MAGED1: variants seen among roughly 807,000 people sequenced by gnomAD.
The protein encoded by MAGED1 is MAGE family member D1, also known as melanoma-associated antigen D1.
MAGED1 carries 3 observed loss-of-function variants against 54.1 expected under a neutral mutation model. That is an observed-to-expected ratio of 0.06 (90% confidence interval 0.03 to 0.14). The LOEUF (loss-of-function observed/expected upper bound fraction) is 0.14. MAGED1 is among the 10% of genes least tolerant of loss of function. The probability of loss-of-function intolerance (pLI) is 1.00; values close to 1 mark genes in which losing one functional copy is unlikely to be tolerated. For missense variants in MAGED1, 485 were observed against 623.4 expected (o/e 0.78, Z 2.36); for synonymous variants, 217 against 227.3 (o/e 0.95, Z 0.41).
Position 51,901,520 on chromosome X carries a change from G to A in MAGED1, c.1960-33G>A, listed in dbSNP as rs373654749. ...ATTCCATATCTTGGCTATTGTAAAT[G>A]GATTTTGTTTTGTTTTCTATTCCTC... On this transcript the variant is annotated intron_variant, in intron 11 of 12. Coordinates refer to ENST00000326587, the MANE Select transcript of MAGED1 (RefSeq NM_006986.4). 3.6e-5 allele frequency: 41 copies of A among 1,124,947 alleles called. No homozygotes were observed. In the African/African-American group the frequency reaches 6.3e-4, roughly 17 times the overall value. The allele number at this position is 1,124,947 out of a possible 1,213,427, so 92.7% of individuals were successfully genotyped here. A position where few individuals can be genotyped will look rare whatever the true frequency, so the allele number is the denominator to read the frequency against.
At chrX:51,813,215 G>A (rs913197270) in intron 1 of MAGED1, among the ~76,000 whole-genome samples, 4 of 108,702 alleles carry the variant, frequency 3.7e-5, no homozygotes, top group Non-Finnish European at 5.7e-5. Context: ...TAGAGACGGG[G>A]TTTCTCCATG....
At chrX:51,847,344 G>A (rs903292994) in intron 1 of MAGED1, among the ~76,000 whole-genome samples, 3 of 111,117 alleles carry the variant, frequency 2.7e-5, no homozygotes, top group African/African-American at 9.8e-5. Flanking sequence ...CTAAAATATT[G>A]TATAAATGCT....
intron 1 of MAGED1, among the ~76,000 whole-genome samples, chrX:51,873,534 T>A (rs200538628): frequency 0.04 from 3,583 of 90,397 alleles, 73 homozygotes; most frequent in Non-Finnish European, 0.048. Flanking sequence ...TGTGTGTGTG[T>A]GAGAGAGAGA....
At chrX:51,864,771 A>G (rs1927405434) in intron 1 of MAGED1, among the ~76,000 whole-genome samples, 1 of 111,836 alleles carries the variant, frequency 8.9e-6, no homozygotes, top group South Asian at 3.7e-4. Context: ...TTGTTAGTAC[A>G]TAGAAATATT....
Position 51,896,780 on chromosome X carries a change from G to T in MAGED1, c.1125G>T (p.Gln375His), listed in dbSNP as rs949089253. 7.4e-6 allele frequency: 9 copies of T among 1,209,065 alleles called. No individual in the cohort carries two copies. The highest frequency in any genetic ancestry group is 1.0e-5 in the Non-Finnish European group (9 of 894,499). The change falls in exon 4 of 13, where the codon CAG (glutamine) becomes CAT (histidine). Residue 375 changes from glutamine (Q) to histidine (H), a missense_variant. Gln to His is a conservative substitution (Grantham distance 24). Coordinates refer to ENST00000326587, the MANE Select transcript of MAGED1 (RefSeq NM_006986.4). ...TCTGGCCGAATCCACTGGCCTGGCAGAATCCACCTGGATGGCAGACTCCAC... is the reference window on the plus strand; with the variant it reads ...TCTGGCCGAATCCACTGGCCTGGCATAATCCACCTGGATGGCAGACTCCAC... The part of the protein sequence containing the change: ...PVVWPNPLAW[Q>H]NPPGWQTPPG...
intron 1 of MAGED1, among the ~76,000 whole-genome samples, chrX:51,881,739 A>C (rs1928064985): frequency 9.0e-6 from 1 of 110,656 alleles, no homozygotes; most frequent in Non-Finnish European, 1.9e-5. Context: ...TTCTACTTCA[A>C]CTTAGTATCT....
intron 1 of MAGED1, among the ~76,000 whole-genome samples, chrX:51,819,171 T>C (rs1557356308): frequency 9.0e-6 from 1 of 110,766 alleles, no homozygotes; most frequent in African/African-American, 3.3e-5. Flanking sequence ...TTTTTTAAGC[T>C]TCACCTTCTT....
At chrX:51,894,983 C>T in intron 2 of MAGED1, 70 bp from the exon 3 acceptor site, 1 of 981,966 alleles carries the variant, frequency 1.0e-6, no homozygotes, top group South Asian at 2.4e-5. Context: ...GCCACCCGGG[C>T]TCCCTATTCC....
At chrX:51,820,084 T>C (rs1311551576) in intron 1 of MAGED1, among the ~76,000 whole-genome samples, 1 of 111,467 alleles carries the variant, frequency 9.0e-6, no homozygotes, top group Non-Finnish European at 1.9e-5. Context: ...CAATTCACCA[T>C]AAATATAAGG....
chrX:51,832,816 G>A (rs1926117104), intron 1 of MAGED1, among the ~76,000 whole-genome samples: 1 of 111,344 alleles, frequency 9.0e-6, no homozygotes, highest in Non-Finnish European at 1.9e-5. Flanking sequence ...GGATATCAAG[G>A]AGATAGGTAG....
chrX:51,837,285 C>T (rs782328916), intron 1 of MAGED1, among the ~76,000 whole-genome samples: 2 of 112,118 alleles, frequency 1.8e-5, no homozygotes, highest in East Asian at 5.6e-4. Context: ...TTAAGATTCT[C>T]ATAAGTTTTT....
intron 5 of MAGED1, 27 bp from the exon 6 acceptor site, chrX:51,897,520 C>T: frequency 1.7e-6 from 2 of 1,148,219 alleles, no homozygotes; most frequent in East Asian, 3.0e-5. Context: ...CCGCTCGGCT[C>T]AGATGGCTCC....
chrX:51,860,868 C>T (rs1309593885), intron 1 of MAGED1, among the ~76,000 whole-genome samples: 1 of 110,906 alleles, frequency 9.0e-6, no homozygotes, highest in Non-Finnish European at 1.9e-5. Context: ...CATTCTTGTT[C>T]TGCCCTCTTG....
intron 7 of MAGED1, 65 bp downstream of exon 7, chrX:51,897,951 G>A (rs1335575284): frequency 2.0e-5 from 19 of 949,232 alleles, no homozygotes; most frequent in African/African-American, 3.9e-5. Context: ...GGAGTTTCAC[G>A]TAGATCAGGG....
At chrX:51,813,803 A>G (rs988882316) in intron 1 of MAGED1, among the ~76,000 whole-genome samples, 3 of 111,855 alleles carry the variant, frequency 2.7e-5, no homozygotes, top group Non-Finnish European at 3.8e-5. Context: ...GATGGCAAGC[A>G]TAAACATTGA....
At chrX:51,832,994 T>C (rs4986561) in intron 1 of MAGED1, among the ~76,000 whole-genome samples, 3,070 of 111,940 alleles carry the variant, frequency 0.027, 236 homozygotes, top group Admixed American at 0.21. Context: ...AGCAATCTTA[T>C]GTAGTCCAAC....
chrX:51,812,088 C>G (rs1437270302), intron 1 of MAGED1, among the ~76,000 whole-genome samples: 1 of 109,801 alleles, frequency 9.1e-6, no homozygotes, highest in African/African-American at 3.3e-5. Context: ...GAGGAAGGAC[C>G]TCTAACCTAC....
At chrX:51,897,715 T>G in intron 6 of MAGED1, 80 bp from the exon 7 acceptor site, 1 of 1,057,093 alleles carries the variant, frequency 9.5e-7, no homozygotes. Flanking sequence ...TTAGGGCAAG[T>G]CTCAGGGAGA....
At position 51,837,056 on chromosome X, in the gene MAGED1, C is replaced by G. The variant is rs782486459; in HGVS notation, c.-37+33939C>G. On this transcript the variant is annotated intron_variant, in intron 1 of 12. Coordinates refer to the MAGED1 transcript ENST00000375772. ...GGTTCTGACTCAGTTATTACCCTTG[C>G]CTGTGGCATGATCTGAAAATTCTCT... 2.7e-5 allele frequency among the ~76,000 whole-genome samples: 3 copies of G among 111,865 alleles called. No homozygotes were observed. In the East Asian group the frequency reaches 8.4e-4, roughly 31 times the overall value.
Sources: gnomAD v4.1 joint callset for allele counts (sites outside exome capture counted in the v4.1 genomes callset) on GRCh38, gnomAD v4.1.1 for gene constraint, MANE v1.5 for transcripts, NCBI Gene and HGNC (gene_info 2026-07-23, HGNC 2026-07-21) for gene names.